LRRK1: variants seen among roughly 807,000 people sequenced by gnomAD.
LRRK1 encodes the protein leucine-rich repeat serine/threonine-protein kinase 1.
LRRK1 carries 113 observed loss-of-function variants against 209.1 expected under a neutral mutation model. The observed-to-expected ratio is 0.54, with a 90% CI of 0.46 to 0.63. The LOEUF (loss-of-function observed/expected upper bound fraction) is 0.63, where lower values mean the gene tolerates loss of function less well. LRRK1 is among the 30% of genes least tolerant of loss of function. LRRK1 has a pLI of 0.00. For synonymous variants in LRRK1, 1,144 were observed against 1,099.7 expected (o/e 1.04, Z -0.80); for missense variants, 2,284 against 2,632.2 (o/e 0.87, Z 2.89).
At position 101,022,473 on chromosome 15, in the gene LRRK1, G is replaced by A. The variant is rs777502572; in HGVS notation, c.1943G>A (p.Arg648His). Residue 648 changes from arginine (R) to histidine (H), a missense_variant, in exon 15 of 34, where the codon CGC becomes CAC. Coordinates refer to ENST00000388948, the MANE Select transcript of LRRK1 (RefSeq NM_024652.6). The surrounding 1 kb of genome is among the most constrained non-coding windows in gnomAD (Gnocchi z 4.0). ...AAGATGATCATCGTGGGTCCCCCGC[G>A]CCAGGGCAAGTCCACCCTCCTGGAG... ...LMKMIIVGPP[R>H]QGKSTLLEIL... The A allele has an allele frequency of 6.8e-6, 11 of 1,614,104 alleles. No individual in the cohort carries two copies. Among genetic ancestry groups the A allele is most frequent in the Admixed American group, 6.7e-5 (4 of 60,010 alleles).
chr15:101,033,275 G>C (rs2141109068), intron 20 of LRRK1, among the ~76,000 whole-genome samples: 1 of 152,094 alleles, frequency 6.6e-6, no homozygotes, highest in Admixed American at 6.5e-5. Context: ...TCTATGTGTT[G>C]GTATCATTTC....
At chr15:100,943,883 A>T (rs2042489921) in intron 2 of LRRK1, among the ~76,000 whole-genome samples, 1 of 151,990 alleles carries the variant, frequency 6.6e-6, no homozygotes, top group African/African-American at 2.4e-5. Context: ...TCACCATGTT[A>T]GTCAGGCTGG....
intron 2 of LRRK1, among the ~76,000 whole-genome samples, chr15:100,940,892 G>C (rs1021169900): frequency 6.6e-6 from 1 of 152,356 alleles, no homozygotes; most frequent in East Asian, 1.9e-4. Flanking sequence ...GCCCCGAACA[G>C]TAATGTGAGG....
intron 6 of LRRK1, 83 bp downstream of exon 6, chr15:100,989,481 TA>T: frequency 7.1e-7 from 1 of 1,415,964 alleles, no homozygotes; most frequent in Non-Finnish European, 9.8e-7. Flanking sequence ...TAATTTATAA[TA>T]AACAGAAATA....
chr15:101,002,726 CTTT>C (rs1268487584), intron 6 of LRRK1, among the ~76,000 whole-genome samples: 1 of 150,430 alleles, frequency 6.6e-6, no homozygotes, highest in Non-Finnish European at 1.5e-5. Flanking sequence ...GCATGAACAT[CTTT>C]TTATTTATTT....
chr15:101,040,507 C>A (rs1003748090), intron 20 of LRRK1, among the ~76,000 whole-genome samples: 2 of 152,036 alleles, frequency 1.3e-5, no homozygotes, highest in African/African-American at 4.8e-5. Flanking sequence ...TTATTTTTCT[C>A]TTTTATTTCA....
At chr15:101,062,316 C>T in intron 30 of LRRK1, 1 of 384,738 alleles carries the variant, frequency 2.6e-6, no homozygotes, top group South Asian at 3.6e-5. Flanking sequence ...AGGCTGTGCC[C>T]CCAGATCCCA....
At chr15:101,001,459 GTC>G (rs2032686453) in intron 6 of LRRK1, among the ~76,000 whole-genome samples, 1 of 152,136 alleles carries the variant, frequency 6.6e-6, no homozygotes, top group Non-Finnish European at 1.5e-5. Context: ...CTTTGAGTGA[GTC>G]TCCCCATTTT....
rs1596375638 is a variant in LRRK1 at position 101,074,938 on chromosome 15, A to C, written c.*6090A>C. 6.7e-6 allele frequency: 1 copy of C among 150,036 alleles called. No homozygotes were observed. The highest frequency in any genetic ancestry group is 2.0e-4 in the East Asian group (1 of 5,128). The allele number at this position is 150,036 out of a possible 1,614,324, so 9.3% of individuals were successfully genotyped here. ...TCCAACTCACCTGGCAGCCACTCCC[A>C]GAGCCCCTGGAACTCCGGCCCAAGG... On this transcript the variant is annotated 3_prime_UTR_variant, in exon 34 of 34. Coordinates refer to ENST00000388948, the MANE Select transcript of LRRK1 (RefSeq NM_024652.6).
At chr15:101,029,263 G>T (rs763545504) in intron 20 of LRRK1, 31 bp downstream of exon 20, 4 of 1,573,286 alleles carry the variant, frequency 2.5e-6, no homozygotes, top group South Asian at 1.2e-5. Context: ...GCCAGGCTGT[G>T]CAGGTTGCTC....
chr15:100,931,843 G>A (rs1353362848), intron 2 of LRRK1, among the ~76,000 whole-genome samples: 1 of 152,188 alleles, frequency 6.6e-6, no homozygotes, highest in Admixed American at 6.5e-5. Flanking sequence ...ACTCCTCCCT[G>A]AAGGTTAAGA....
intron 22 of LRRK1, among the ~76,000 whole-genome samples, 167 bp downstream of exon 22, chr15:101,048,824 A>G (rs1313402926): frequency 2.0e-5 from 3 of 152,200 alleles, no homozygotes; most frequent in Non-Finnish European, 4.4e-5. Flanking sequence ...CGAGTGTCCC[A>G]GAGGCTCCGG....
intron 3 of LRRK1, among the ~76,000 whole-genome samples, chr15:100,979,373 A>T (rs1334345148): frequency 6.6e-6 from 1 of 152,338 alleles, no homozygotes; most frequent in African/African-American, 2.4e-5. Flanking sequence ...TTCAAGAGCA[A>T]CTATAATATC....
intron 2 of LRRK1, among the ~76,000 whole-genome samples, chr15:100,969,858 G>A (rs995831548): frequency 7.9e-5 from 12 of 151,438 alleles, no homozygotes; most frequent in African/African-American, 2.9e-4. Context: ...GTATTCTATG[G>A]TGTATATATG....
At position 101,022,008 on chromosome 15, in the gene LRRK1, TC is replaced by T; in HGVS notation, c.1852+53del. ...TGCCATCACCTCTTGGAAAGACAAC[TC>T]CAGTCCACTTGTTAAGTTCTGGGGG... On this transcript the variant is annotated intron_variant, in intron 14 of 33. Coordinates refer to ENST00000388948, the MANE Select transcript of LRRK1 (RefSeq NM_024652.6). This position sits in a 1 kb window ranked among gnomAD's most constrained non-coding sequence, Gnocchi z 4.0. The T allele has an allele frequency of 7.7e-7, 1 of 1,292,378 alleles. No homozygotes were observed. The highest frequency in any genetic ancestry group is 1.1e-6 in the Non-Finnish European group (1 of 900,974). The allele number at this position is 1,292,378 out of a possible 1,614,324, so 80.1% of individuals were successfully genotyped here.
chr15:101,049,346 T>C (rs1171438377), intron 22 of LRRK1: 1 of 317,074 alleles, frequency 3.2e-6, no homozygotes, highest in Non-Finnish European at 5.8e-6. Flanking sequence ...CAGATGAGCA[T>C]ACTGAGGTTC....
intron 13 of LRRK1, 128 bp from the exon 14 acceptor site, chr15:101,021,717 G>A: frequency 1.6e-6 from 1 of 619,302 alleles, no homozygotes; most frequent in Non-Finnish European, 2.9e-6. Flanking sequence ...TGAAATCAGG[G>A]CTCAAAGTGT....
At chr15:100,969,139 CTGCT>C (rs761614349) in intron 2 of LRRK1, among the ~76,000 whole-genome samples, 5 of 152,278 alleles carry the variant, frequency 3.3e-5, no homozygotes, top group Non-Finnish European at 7.3e-5. Context: ...CAGGTCCAGC[CTGCT>C]CATTTTCAAT....
In LRRK1 at chr15:101,027,525, A is replaced by C; in HGVS notation, c.2527-113A>C. 1 of 1,498,642 alleles carries C rather than the reference A, an allele frequency of 6.7e-7. No individual in the cohort carries two copies. The highest frequency in any genetic ancestry group is 1.3e-5 in the South Asian group (1 of 77,676). 92.8% of individuals were successfully genotyped at this position (1,498,642 alleles called of 1,614,324 possible). On this transcript the variant is annotated intron_variant, in intron 18 of 33. Coordinates refer to ENST00000388948, the MANE Select transcript of LRRK1 (RefSeq NM_024652.6). This position sits in a 1 kb window ranked among gnomAD's most constrained non-coding sequence, Gnocchi z 5.1. ...GTGAGGGAGGGTCAGGATGGAAGAT[A>C]GTGGGTGGAAACGTCCCACCCCCTC...
Sources: allele counts gnomAD v4.1 joint callset (sites outside exome capture counted in the v4.1 genomes callset), GRCh38; gene constraint gnomAD v4.1.1; non-coding constraint Gnocchi (gnomAD v3.1); transcripts MANE v1.5; gene names NCBI Gene and HGNC (gene_info 2026-07-23, HGNC 2026-07-21).